Variants in TXNDC11 observed in about 807,000 individuals in gnomAD.
TXNDC11 encodes the protein thioredoxin domain-containing protein 11.
TXNDC11 carries 68 observed loss-of-function variants against 78.0 expected under a neutral mutation model. That is an observed-to-expected ratio of 0.87 (90% confidence interval 0.72 to 1.07). TXNDC11 has a LOEUF of 1.07. Among genes scored for constraint, TXNDC11 ranks in the 50% least tolerant of loss-of-function variants. The pLI, the probability that TXNDC11 is intolerant of heterozygous loss-of-function variation, is 0.00. For synonymous variants in TXNDC11, 571 were observed against 495.2 expected (o/e 1.15, Z -2.03); for missense variants, 1,389 against 1,221.8 (o/e 1.14, Z -2.04).
chr16:11,731,734 A>G (rs1056468077), intron 3 of TXNDC11, among the ~76,000 whole-genome samples: 3 of 151,938 alleles, frequency 2.0e-5, no homozygotes, highest in African/African-American at 7.3e-5. Flanking sequence ...GATAAACACA[A>G]TTCTTCCATG....
At chr16:11,709,241 A>C (rs1465131785) in intron 5 of TXNDC11, among the ~76,000 whole-genome samples, 2 of 149,186 alleles carry the variant, frequency 1.3e-5, no homozygotes, top group African/African-American at 2.5e-5. Context: ...ACTAACATGT[A>C]ACTTATAAGC....
At chr16:11,687,466 A>C (rs182038144) in intron 10 of TXNDC11, among the ~76,000 whole-genome samples, 1 of 152,298 alleles carries the variant, frequency 6.6e-6, no homozygotes, top group East Asian at 1.9e-4. Context: ...CTTTCCTTTT[A>C]ATTTCACAAA....
intron 7 of TXNDC11, among the ~76,000 whole-genome samples, chr16:11,696,597 A>C (rs2050865341): frequency 6.6e-6 from 1 of 152,208 alleles, no homozygotes; most frequent in Admixed American, 6.5e-5. Context: ...AGTAATTCAT[A>C]ATACGGTGAG....
chr16:11,689,978 C>G (rs2050665149), intron 8 of TXNDC11: 2 of 152,152 alleles, frequency 1.3e-5, no homozygotes, highest in Non-Finnish European at 2.9e-5. Flanking sequence ...ATAGAAAAAT[C>G]AATATTTACA....
chr16:11,693,173 T>C (rs1192346409), intron 7 of TXNDC11, among the ~76,000 whole-genome samples: 2 of 152,156 alleles, frequency 1.3e-5, no homozygotes, highest in Non-Finnish European at 2.9e-5. Context: ...AAACCCCTGA[T>C]GAATGAGTGG....
chr16:11,685,624 G>C (rs2141970429), intron 10 of TXNDC11, among the ~76,000 whole-genome samples: 1 of 151,964 alleles, frequency 6.6e-6, no homozygotes, highest in East Asian at 1.9e-4. Context: ...ACTCCAGCCT[G>C]GGCAACAGAG....
chr16:11,734,001 T>C lies in TXNDC11; in HGVS notation c.550A>G (p.Ile184Val). The change falls in exon 3 of 12, where the codon ATA becomes GTA. Residue 184 changes from isoleucine to valine, a missense_variant. Transcript: ENST00000283033. ...TCTTACCTCCGATGATACAGATATA[T>C]TACAGGAAAATAAAAGAAGTGTTTC... Reference protein sequence around the residue: ...KQKHFFYFPVIYLYHRSFGPI... With the variant: ...KQKHFFYFPVVYLYHRSFGPI... 1 of 1,607,402 alleles carries C rather than the reference T, an allele frequency of 6.2e-7. No homozygotes were observed. The highest frequency in any genetic ancestry group is 2.2e-5 in the East Asian group (1 of 44,720).
At chr16:11,709,151 G>C (rs1389231768) in intron 5 of TXNDC11, among the ~76,000 whole-genome samples, 1 of 151,776 alleles carries the variant, frequency 6.6e-6, no homozygotes, top group Non-Finnish European at 1.5e-5. Flanking sequence ...TTAATATAAA[G>C]CACAAAGCAA....
chr16:11,696,081 C>A (rs547688135), intron 7 of TXNDC11, among the ~76,000 whole-genome samples: 1 of 151,880 alleles, frequency 6.6e-6, no homozygotes, highest in Non-Finnish European at 1.5e-5. Context: ...ATCTTGAAAT[C>A]CTCAGAGAAG....
chr16:11,733,556 C>T (rs1271649525), intron 3 of TXNDC11, among the ~76,000 whole-genome samples: 2 of 152,086 alleles, frequency 1.3e-5, no homozygotes, highest in African/African-American at 4.8e-5. Flanking sequence ...GGACATGGGA[C>T]TGTGTACTTG....
chr16:11,686,127 T>C (rs1436126648), intron 10 of TXNDC11, among the ~76,000 whole-genome samples: 1 of 152,138 alleles, frequency 6.6e-6, no homozygotes, highest in Non-Finnish European at 1.5e-5. Flanking sequence ...CTTGGCTAAT[T>C]TTTTATTTTT....
At chr16:11,735,526 C>G (rs566456515) in intron 2 of TXNDC11, among the ~76,000 whole-genome samples, 17 of 152,282 alleles carry the variant, frequency 1.1e-4, no homozygotes, top group African/African-American at 4.1e-4. Context: ...GGGCTGAAAA[C>G]CACTGCCATA....
chr16:11,697,078 G>C (rs2050878846), intron 7 of TXNDC11, among the ~76,000 whole-genome samples: 1 of 152,184 alleles, frequency 6.6e-6, no homozygotes, highest in Non-Finnish European at 1.5e-5. Context: ...TAAAGAAATA[G>C]TTTTATTACT....
At chr16:11,697,110 G>C (rs1406644044) in intron 7 of TXNDC11, among the ~76,000 whole-genome samples, 1 of 152,124 alleles carries the variant, frequency 6.6e-6, no homozygotes, top group Non-Finnish European at 1.5e-5. Context: ...CTAATTAGAG[G>C]GGAAGAAACA....
At chr16:11,732,082 CAG>C (rs2052071936) in intron 3 of TXNDC11, among the ~76,000 whole-genome samples, 1 of 152,244 alleles carries the variant, frequency 6.6e-6, no homozygotes, top group East Asian at 1.9e-4. Context: ...AATGCAAAGA[CAG>C]GGGTGTGGAG....
chr16:11,722,469 C>G (rs1370003515), intron 4 of TXNDC11, among the ~76,000 whole-genome samples: 1 of 152,188 alleles, frequency 6.6e-6, no homozygotes, highest in Non-Finnish European at 1.5e-5. Flanking sequence ...AGGTTTTATT[C>G]TGTAATAATC....
At position 11,742,839 on chromosome 16, in the gene TXNDC11, G is replaced by C; in HGVS notation, c.-109C>G. The C allele has an allele frequency of 1.5e-6, 2 of 1,346,450 alleles. No individual in the cohort carries two copies. The highest frequency in any genetic ancestry group is 1.9e-6 in the Non-Finnish European group (2 of 1,053,438). 83.4% of individuals were successfully genotyped at this position (1,346,450 alleles called of 1,614,324 possible). ...GCAGCTCGCCGCACCCGCTAACCCG[G>C]ACGCTCCACGTCAGCCGCGCCGCCG... On this transcript the variant is annotated 5_prime_UTR_variant, in exon 1 of 12. Coordinates refer to ENST00000283033, the MANE Select transcript of TXNDC11 (RefSeq NM_015914.7).
intron 4 of TXNDC11, among the ~76,000 whole-genome samples, chr16:11,728,752 C>T (rs2051957644): frequency 6.6e-6 from 1 of 152,158 alleles, no homozygotes; most frequent in South Asian, 2.1e-4. Context: ...TGCCACCACA[C>T]TCCAGCCTGG....
intron 1 of TXNDC11, among the ~76,000 whole-genome samples, chr16:11,736,902 A>T (rs751312721): frequency 1.7e-4 from 26 of 152,128 alleles, no homozygotes; most frequent in Non-Finnish European, 3.2e-4. Context: ...AAAGAAAAGA[A>T]CGCTGAACAA....
Sources: gnomAD v4.1 joint callset for allele counts (sites outside exome capture counted in the v4.1 genomes callset) on GRCh38, gnomAD v4.1.1 for gene constraint, MANE v1.5 for transcripts, NCBI Gene and HGNC (gene_info 2026-07-23, HGNC 2026-07-21) for gene names.